Variants in MYCL observed in about 807,000 individuals in gnomAD.
The protein encoded by MYCL is protein L-Myc.
In MYCL, 11 loss-of-function variants were observed where a neutral mutation model predicts 31.0. The observed-to-expected ratio is 0.35, with a 90% CI of 0.22 to 0.59. The LOEUF is 0.59. Among genes scored for constraint, MYCL ranks in the 20% least tolerant of loss-of-function variants. MYCL has a pLI of 0.79. For synonymous variants in MYCL, 208 were observed against 202.4 expected (o/e 1.03, Z -0.23); for missense variants, 427 against 486.1 (o/e 0.88, Z 1.14).
chr1:39,899,923 A>G (rs1488987564), intron 1 of MYCL: 1 of 985,318 alleles, frequency 1.0e-6, no homozygotes, highest in Non-Finnish European at 1.2e-6. Flanking sequence ...TACCCTCTCC[A>G]GGATTTCTCA....
chr1:39,898,045 G>C (rs1644500455), intron 1 of MYCL, 75 bp from the exon 2 acceptor site: 1 of 1,527,254 alleles, frequency 6.5e-7, no homozygotes, highest in Non-Finnish European at 8.7e-7. Context: ...AGCTTTAGCT[G>C]TCTACGCTGG....
In MYCL at chr1:39,901,285, G is replaced by C; in HGVS notation, c.150C>G (p.Gly50=). ...CAATCCCGGGGGCCGGGTCCCCTGC[G>C]CCGGGACCCAAGCCCCAGGGCGGCG... ...PTSPPWGLGP[G]AGDPAPGIGP... Residue 50 remains glycine, a synonymous_variant, in exon 1 of 2, where the codon GGC becomes GGG. Transcript: ENST00000372816. The surrounding 1 kb of genome is among the most constrained non-coding windows in gnomAD (Gnocchi z 6.9). 1 of 1,600,776 alleles carries C rather than the reference G, an allele frequency of 6.2e-7. No individual in the cohort carries two copies. Among genetic ancestry groups the C allele is most frequent in the Non-Finnish European group, 8.5e-7 (1 of 1,174,264 alleles).
Position 39,901,587 on chromosome 1 carries a change from C to G in MYCL, c.-153G>C. ...CAGCCTGCGCCCAGTCCTCGCGTCC[C>G]GGGAAGCCGGGCCCCGGGTCAGAGT... On this transcript the variant is annotated 5_prime_UTR_variant, in exon 1 of 2. Transcript: ENST00000372816. This position sits in a 1 kb window ranked among gnomAD's most constrained non-coding sequence, Gnocchi z 6.9. 2.1e-6 allele frequency: 3 copies of G among 1,426,664 alleles called. No homozygotes were observed. The highest frequency in any genetic ancestry group is 3.0e-5 in the South Asian group (2 of 66,490). 88.4% of individuals were successfully genotyped at this position (1,426,664 alleles called of 1,614,324 possible). A position where few individuals can be genotyped will look rare whatever the true frequency, so the allele number is the denominator to read the frequency against.
rs74067837 is a variant in MYCL, at chr1:39,897,773, C to A, written c.694G>T (p.Gly232Cys). Residue 232 changes from glycine (G) to cysteine (C), a missense_variant, in exon 2 of 2, where the codon GGT (glycine) becomes TGT (cysteine). Transcript: ENST00000372816. The surrounding 1 kb of genome is among the most constrained non-coding windows in gnomAD (Gnocchi z 4.3). Reference sequence around the variant, plus strand: ...CTCTCCAGAACCTCTTCTTGGGGACCCCTCTCTGAAGCCTCTTCTTGGGAG... The same window carrying A: ...CTCTCCAGAACCTCTTCTTGGGGACACCTCTCTGAAGCCTCTTCTTGGGAG... ...SCSQEEASER[G>C]PQEEVLERDA... 886 of 1,614,126 alleles carry A rather than the reference C, an allele frequency of 5.5e-4. 6 individuals are homozygous for A. In the African/African-American group the frequency reaches 0.011, roughly 19 times the overall value.
rs535284338 is a variant in MYCL, at chr1:39,901,554, C to A, written c.-120G>T. 4.7e-6 allele frequency: 7 copies of A among 1,474,438 alleles called. No individual in the cohort carries two copies. Among genetic ancestry groups the A allele is most frequent in the Non-Finnish European group, 6.2e-6 (7 of 1,123,568 alleles). 91.3% of individuals were successfully genotyped at this position (1,474,438 alleles called of 1,614,324 possible). ...GGGCTCTCGTTCCTCCCCAACCCCA[C>A]CAGCTTGCAGCCTGCGCCCAGTCCT... On this transcript the variant is annotated 5_prime_UTR_variant, in exon 1 of 2. Transcript: ENST00000372816. This position sits in a 1 kb window ranked among gnomAD's most constrained non-coding sequence, Gnocchi z 6.9.
In MYCL at chr1:39,901,878, C is replaced by T; in HGVS notation, c.-444G>A. On this transcript the variant is annotated 5_prime_UTR_variant, in exon 1 of 2. It adds an upstream start codon to the 5' untranslated region. Coordinates refer to ENST00000372816, the MANE Select transcript of MYCL (RefSeq NM_001033081.3). This position sits in a 1 kb window ranked among gnomAD's most constrained non-coding sequence, Gnocchi z 6.9. Reference sequence around the variant, plus strand: ...GCTCGGGGCAGCCCGGCAGCCAGCACACACGCACATGCGCGCCGCCGAGAG... The same window carrying T: ...GCTCGGGGCAGCCCGGCAGCCAGCATACACGCACATGCGCGCCGCCGAGAG... 1.7e-6 allele frequency: 2 copies of T among 1,187,880 alleles called. No homozygotes were observed. The highest frequency in any genetic ancestry group is 2.1e-6 in the Non-Finnish European group (2 of 957,566). 73.6% of individuals were successfully genotyped at this position (1,187,880 alleles called of 1,614,324 possible).
chr1:39,899,955 C>T (rs1406564299), intron 1 of MYCL: 40 of 985,262 alleles, frequency 4.1e-5, no homozygotes, highest in Non-Finnish European at 4.8e-5. Context: ...GTCTAAGATG[C>T]CAGAATAAGA....
chr1:39,897,794 G>A lies in MYCL; in HGVS notation c.673C>T (p.Gln225Ter). Reference protein sequence around the residue: ...AARFPPESCSQEEASERGPQE... With the variant: ...AARFPPESCS ...GGACCCCTCTCTGAAGCCTCTTCTT[G>A]GGAGCAGCTTTCTGGAGGAAAACGG... Residue 225 changes from glutamine (Q) to a stop codon, truncating the protein, a stop_gained, in exon 2 of 2, where the codon CAA becomes TAA. Transcript: ENST00000372816. LOFTEE classifies it high-confidence loss of function. This position sits in a 1 kb window ranked among gnomAD's most constrained non-coding sequence, Gnocchi z 4.3. The A allele has an allele frequency of 6.2e-7, 1 of 1,614,170 alleles. No individual in the cohort carries two copies. The highest frequency in any genetic ancestry group is 8.5e-7 in the Non-Finnish European group (1 of 1,180,022).
In MYCL at chr1:39,898,549, C is replaced by T. The variant is rs550797972; in HGVS notation, c.497-579G>A. Reference sequence around the variant, plus strand: ...GGGAGGGCTACAACCCATCCCTCTTCACCCACAGAGGGGAGGGAAAGGGTT... The same window carrying T: ...GGGAGGGCTACAACCCATCCCTCTTTACCCACAGAGGGGAGGGAAAGGGTT... On this transcript the variant is annotated intron_variant, in intron 1 of 1. Coordinates refer to ENST00000372816, the MANE Select transcript of MYCL (RefSeq NM_001033081.3). The T allele has an allele frequency of 8.1e-6, 5 of 613,794 alleles. No individual in the cohort carries two copies. The South Asian group carries it at 2.2e-4, about 26-fold the overall frequency. The allele number at this position is 613,794 out of a possible 1,614,324, so 38.0% of individuals were successfully genotyped here. A position where few individuals can be genotyped will look rare whatever the true frequency, so the allele number is the denominator to read the frequency against.
Position 39,901,888 on chromosome 1 carries a change from T to C in MYCL, c.-454A>G, listed in dbSNP as rs1644545493. On this transcript the variant is annotated 5_prime_UTR_variant, in exon 1 of 2. It removes an upstream start codon present in the reference 5' UTR. Coordinates refer to ENST00000372816, the MANE Select transcript of MYCL (RefSeq NM_001033081.3). This position sits in a 1 kb window ranked among gnomAD's most constrained non-coding sequence, Gnocchi z 6.9. Reference sequence around the variant, plus strand: ...GCCCGGCAGCCAGCACACACGCACATGCGCGCCGCCGAGAGCGCGGCCCGC... The same window carrying C: ...GCCCGGCAGCCAGCACACACGCACACGCGCGCCGCCGAGAGCGCGGCCCGC... 6.9e-6 allele frequency: 8 copies of C among 1,159,102 alleles called. No homozygotes were observed. Among genetic ancestry groups the C allele is most frequent in the Non-Finnish European group, 8.5e-6 (8 of 940,674 alleles). The allele number at this position is 1,159,102 out of a possible 1,614,324, so 71.8% of individuals were successfully genotyped here.
At chr1:39,898,023 C>T in intron 1 of MYCL, 53 bp from the exon 2 acceptor site, 9 of 1,572,988 alleles carry the variant, frequency 5.7e-6, no homozygotes, top group Non-Finnish European at 7.7e-6. Context: ...GAAACACAAA[C>T]ATAGACCCTA....
rs1284043117 is a variant in MYCL at position 39,901,913 on chromosome 1, C to T, written c.-479G>A. On this transcript the variant is annotated 5_prime_UTR_variant, in exon 1 of 2. Coordinates refer to ENST00000372816, the MANE Select transcript of MYCL (RefSeq NM_001033081.3). The surrounding 1 kb of genome is among the most constrained non-coding windows in gnomAD (Gnocchi z 6.9). ...TGCGCGCCGCCGAGAGCGCGGCCCGCACTCACAAGCGCGCCCCCCCCGCGC... is the reference window on the plus strand; with the variant it reads ...TGCGCGCCGCCGAGAGCGCGGCCCGTACTCACAAGCGCGCCCCCCCCGCGC... 3.6e-6 allele frequency: 4 copies of T among 1,122,674 alleles called. No individual in the cohort carries two copies. In the African/African-American group the frequency reaches 5.0e-5, roughly 14 times the overall value. The allele number at this position is 1,122,674 out of a possible 1,614,324, so 69.5% of individuals were successfully genotyped here.
In MYCL at chr1:39,897,864, C is replaced by T. The variant is rs954063028; in HGVS notation, c.603G>A (p.Lys201=). The change falls in exon 2 of 2, where the codon AAG becomes AAA. Residue 201 remains lysine (K), a synonymous_variant. Transcript: ENST00000372816. This position sits in a 1 kb window ranked among gnomAD's most constrained non-coding sequence, Gnocchi z 4.3. ...GCTGATGGATGGAGATGTGGAAATG[C>T]TTCATGCAGGGATCCAGGGGGTCTG... ...VRADPLDPCM[K]HFHISIHQQQ... The T allele has an allele frequency of 1.9e-6, 3 of 1,614,064 alleles. No individual in the cohort carries two copies. The highest frequency in any genetic ancestry group is 2.7e-5 in the African/African-American group (2 of 74,930).
rs1311762174 is a variant in MYCL at position 39,897,403 on chromosome 1, T to C, written c.1064A>G (p.Gln355Arg). The change falls in exon 2 of 2, where the codon CAG becomes CGG. Residue 355 changes from glutamine (Q) to arginine (R), a missense_variant. Transcript: ENST00000372816. This position sits in a 1 kb window ranked among gnomAD's most constrained non-coding sequence, Gnocchi z 4.3. ...RQLRCRQQQL[Q>R]KRIAYLTGY ...GCCAGTGAGGTATGCAATTCTTTTCTGCAACTGCTGCTGCCGGCATCGGAG... is the reference window on the plus strand; with the variant it reads ...GCCAGTGAGGTATGCAATTCTTTTCCGCAACTGCTGCTGCCGGCATCGGAG... 6 of 1,608,306 alleles carry C rather than the reference T, an allele frequency of 3.7e-6. No individual in the cohort carries two copies. In the East Asian group the frequency reaches 8.9e-5, roughly 24 times the overall value.
intron 1 of MYCL, chr1:39,898,572 G>C (rs1644505397): frequency 3.6e-6 from 3 of 824,054 alleles, no homozygotes; most frequent in African/African-American, 1.9e-5. Flanking sequence ...GAGGGAAAGG[G>C]TTTCCCTTAG....
Position 39,901,871 on chromosome 1 carries a change from G to C in MYCL, c.-437C>G, listed in dbSNP as rs1247563883. 1.6e-6 allele frequency: 2 copies of C among 1,213,304 alleles called. No individual in the cohort carries two copies. The highest frequency in any genetic ancestry group is 1.0e-6 in the Non-Finnish European group (1 of 970,862). 75.2% of individuals were successfully genotyped at this position (1,213,304 alleles called of 1,614,324 possible). A position where few individuals can be genotyped will look rare whatever the true frequency, so the allele number is the denominator to read the frequency against. On this transcript the variant is annotated 5_prime_UTR_variant, in exon 1 of 2. Transcript: ENST00000372816. The surrounding 1 kb of genome is among the most constrained non-coding windows in gnomAD (Gnocchi z 6.9). ...CCCGCCGGCTCGGGGCAGCCCGGCA[G>C]CCAGCACACACGCACATGCGCGCCG...
At position 39,901,703 on chromosome 1, in the gene MYCL, AGGGCCCGGCG is replaced by A. The variant is rs895228321; in HGVS notation, c.-279_-270del. On this transcript the variant is annotated 5_prime_UTR_variant, in exon 1 of 2. An upstream open reading frame in the 5' UTR gains an earlier in-frame stop. Coordinates refer to ENST00000372816, the MANE Select transcript of MYCL (RefSeq NM_001033081.3). The surrounding 1 kb of genome is among the most constrained non-coding windows in gnomAD (Gnocchi z 6.9). ...CAGCGCCGCCCGGAGCGCAGCTCCC[AGGGCCCGGCG>A]GGGCCGGGCGGGGGCGCGCCGTGCC... 5.7e-6 allele frequency: 7 copies of A among 1,238,054 alleles called. No individual in the cohort carries two copies. The African/African-American group carries it at 1.1e-4, about 20-fold the overall frequency. 76.7% of individuals were successfully genotyped at this position (1,238,054 alleles called of 1,614,324 possible). A position where few individuals can be genotyped will look rare whatever the true frequency, so the allele number is the denominator to read the frequency against.
At chr1:39,900,910 C>G (rs1416984366) in intron 1 of MYCL, 29 bp downstream of exon 1, 4 of 1,506,688 alleles carry the variant, frequency 2.7e-6, no homozygotes, top group Non-Finnish European at 3.5e-6. Context: ...GGGGTGGCCC[C>G]CTCTTGGATG....
chr1:39,899,357 G>A (rs531149644), intron 1 of MYCL, among the ~76,000 whole-genome samples: 48 of 152,278 alleles, frequency 3.2e-4, no homozygotes, highest in Middle Eastern at 3.4e-3. Flanking sequence ...TAAGCCTCGT[G>A]GCTCAGGAAG....
Sources: allele counts gnomAD v4.1 joint callset (sites outside exome capture counted in the v4.1 genomes callset), GRCh38; gene constraint gnomAD v4.1.1; non-coding constraint Gnocchi (gnomAD v3.1); transcripts MANE v1.5; gene names NCBI Gene and HGNC (gene_info 2026-07-23, HGNC 2026-07-21).